ARHGEF11: variants seen among roughly 807,000 people sequenced by gnomAD.
The protein encoded by ARHGEF11 is Rho guanine nucleotide exchange factor 11, also known as Rho guanine exchange factor (GEF) 11.
In ARHGEF11, 55 loss-of-function variants were observed where a neutral mutation model predicts 193.7. The ratio of observed to expected loss-of-function variants is 0.28; its 90% CI spans 0.23 to 0.36. The LOEUF (loss-of-function observed/expected upper bound fraction) is 0.36, where lower values mean the gene tolerates loss of function less well. Among genes scored for constraint, ARHGEF11 ranks in the 10% least tolerant of loss-of-function variants. The probability of loss-of-function intolerance (pLI) is 1.00; values close to 1 mark genes in which losing one functional copy is unlikely to be tolerated. For missense variants in ARHGEF11, 1,723 were observed against 2,005.6 expected, an observed-to-expected ratio of 0.86 and a Z score of 2.69; for synonymous variants, 693 against 768.0, an observed-to-expected ratio of 0.90 and a Z score of 1.62.
In ARHGEF11 at chr1:156,936,050, C is replaced by G. The variant is rs752313950; in HGVS notation, c.4639G>C (p.Ala1547Pro). The G allele has an allele frequency of 6.2e-7, 1 of 1,613,860 alleles. No homozygotes were observed. ...LGPCPEDGSDAPLEDSTADAA... is the reference protein window; with the variant it reads ...LGPCPEDGSDPPLEDSTADAA... The stretch of plus-strand genomic sequence containing the variant: ...TCTGCTGTGCTGTCTTCCAGGGGGG[C>G]GTCAGAGCCTGTGGGAGGAGGATGA... Residue 1547 changes from alanine (A) to proline (P), a missense_variant, in exon 41 of 41, where the codon GCC becomes CCC. Ala to Pro is a conservative substitution (Grantham distance 27). This residue lies in a region of ARHGEF11 where 360 missense variants were observed against 344.4 expected (regional missense o/e 1.05). Coordinates refer to ENST00000368194, the MANE Select transcript of ARHGEF11 (RefSeq NM_198236.3).
chr1:156,968,696 GC>G (rs1255533004), intron 10 of ARHGEF11, among the ~76,000 whole-genome samples: 1 of 152,162 alleles, frequency 6.6e-6, no homozygotes, highest in Non-Finnish European at 1.5e-5. Context: ...CAAATATTTT[GC>G]TAACTTCATT....
chr1:156,963,537 C>T lies in ARHGEF11; in HGVS notation c.1021G>A (p.Gly341Ser). Residue 341 changes from glycine (G) to serine (S), a missense_variant, in exon 12 of 41, where the codon GGT becomes AGT. This residue lies in a region of ARHGEF11 where 646 missense variants were observed against 710.7 expected (regional missense o/e 0.91). Coordinates refer to ENST00000368194, the MANE Select transcript of ARHGEF11 (RefSeq NM_198236.3). ...ACCGTTACCTCGTTGTTGAAATAAC[C>T]CGGGTCATAGTCTTCCTCTGGGCCA... ...IIGPEEDYDP[G>S]YFNNESDIIF... 6.2e-7 allele frequency: 1 copy of T among 1,613,778 alleles called. No homozygotes were observed. Among genetic ancestry groups the T allele is most frequent in the East Asian group, 2.2e-5 (1 of 44,878 alleles).
intron 29 of ARHGEF11, chr1:156,945,482 G>A: frequency 2.4e-6 from 1 of 419,766 alleles, no homozygotes; most frequent in Non-Finnish European, 4.3e-6. Flanking sequence ...GACAGAGACT[G>A]TGGTAAATGG....
chr1:156,968,170 C>A, intron 10 of ARHGEF11, 46 bp from the exon 11 acceptor site: 1 of 1,574,764 alleles, frequency 6.4e-7, no homozygotes, highest in Admixed American at 1.8e-5. Flanking sequence ...GTCCGGAAGA[C>A]CCTCAAGGCT....
rs1348236927 is a variant in ARHGEF11, at chr1:156,979,291, T to C, written c.274-5A>G. The C allele has an allele frequency of 6.2e-7, 1 of 1,613,344 alleles. No individual in the cohort carries two copies. Among genetic ancestry groups the C allele is most frequent in the South Asian group, 1.1e-5 (1 of 91,034 alleles). Reference sequence around the variant, plus strand: ...GGTCACCATGGTGCCGTTGACCTGTTGGAGGGACAAACAGTATTGAGTAAT... The same window carrying C: ...GGTCACCATGGTGCCGTTGACCTGTCGGAGGGACAAACAGTATTGAGTAAT... On this transcript the variant is annotated splice_region_variant and splice_polypyrimidine_tract_variant and intron_variant, in intron 4 of 40. Transcript: ENST00000368194.
intron 1 of ARHGEF11, among the ~76,000 whole-genome samples, chr1:157,020,294 T>C (rs1320034909): frequency 6.6e-6 from 1 of 152,098 alleles, no homozygotes; most frequent in African/African-American, 2.4e-5. Context: ...TTATTGTACA[T>C]CAAATATACC....
In ARHGEF11 at chr1:156,944,306, G is replaced by C; in HGVS notation, c.3067+52C>G. On this transcript the variant is annotated intron_variant, in intron 31 of 40. Transcript: ENST00000368194. ...GCTTGGGAAAGACAGAAGAGCCCAG[G>C]GAGGCCCACCCACTACAGGTTCCTG... 3 of 1,579,162 alleles carry C rather than the reference G, an allele frequency of 1.9e-6. No individual in the cohort carries two copies. In the East Asian group the frequency reaches 6.7e-5, roughly 35 times the overall value.
chr1:157,041,863 G>A (rs760669166), intron 1 of ARHGEF11, among the ~76,000 whole-genome samples: 1 of 152,126 alleles, frequency 6.6e-6, no homozygotes, highest in Non-Finnish European at 1.5e-5. Context: ...CTCTCTCTGT[G>A]AGCAAGTACT....
chr1:156,944,316 C>T (rs1439083784), intron 31 of ARHGEF11, 42 bp downstream of exon 31: 2 of 1,598,486 alleles, frequency 1.3e-6, no homozygotes, highest in Admixed American at 1.7e-5. Flanking sequence ...GGAGGCCCAC[C>T]CACTACAGGT....
chr1:156,941,823 G>C, intron 34 of ARHGEF11, 41 bp downstream of exon 34: 1 of 1,564,598 alleles, frequency 6.4e-7, no homozygotes, highest in Non-Finnish European at 8.6e-7. Flanking sequence ...AGGAGGTTTG[G>C]AGTGGAGAGA....
chr1:156,986,197 T>G (rs138507383), intron 1 of ARHGEF11, 24 bp from the exon 2 acceptor site: 2 of 1,592,306 alleles, frequency 1.3e-6, no homozygotes, highest in Non-Finnish European at 1.7e-6. Context: ...AAGGAAAGCA[T>G]GTCAATGAGC....
chr1:156,955,884 G>C (rs1659874247), intron 19 of ARHGEF11, 85 bp from the exon 20 acceptor site: 1 of 1,043,000 alleles, frequency 9.6e-7, no homozygotes, highest in South Asian at 1.3e-5. Flanking sequence ...TGTCCCCCAA[G>C]GCTGGCCCTC....
chr1:156,962,472 C>T (rs1448341077), intron 13 of ARHGEF11, among the ~76,000 whole-genome samples: 1 of 152,180 alleles, frequency 6.6e-6, no homozygotes, highest in East Asian at 1.9e-4. Flanking sequence ...CTTCACATTC[C>T]TTCTTGTCAT....
At chr1:156,965,064 G>A (rs1367861979) in intron 11 of ARHGEF11, among the ~76,000 whole-genome samples, 2 of 152,136 alleles carry the variant, frequency 1.3e-5, no homozygotes, top group Admixed American at 1.3e-4. Flanking sequence ...ACAGTTTTAT[G>A]GAAAGTATAG....
intron 1 of ARHGEF11, among the ~76,000 whole-genome samples, chr1:156,994,344 T>C (rs1368632327): frequency 6.6e-6 from 1 of 151,898 alleles, no homozygotes; most frequent in Non-Finnish European, 1.5e-5. Context: ...ATAATATTTA[T>C]TAAGTGCTTT....
intron 15 of ARHGEF11, 35 bp from the exon 16 acceptor site, chr1:156,959,177 G>A: frequency 5.7e-6 from 9 of 1,580,696 alleles, no homozygotes; most frequent in Non-Finnish European, 7.8e-6. Flanking sequence ...AGAGTGGATG[G>A]GGTACTGGGG....
At chr1:156,959,165 G>T in intron 15 of ARHGEF11, 23 bp from the exon 16 acceptor site, 1 of 1,608,598 alleles carries the variant, frequency 6.2e-7, no homozygotes, top group South Asian at 1.1e-5. Context: ...ATCAGAGAAA[G>T]CAGAGTGGAT....
intron 1 of ARHGEF11, among the ~76,000 whole-genome samples, chr1:156,996,694 A>G (rs923037012): frequency 4.2e-5 from 6 of 141,952 alleles, no homozygotes; most frequent in African/African-American, 1.6e-4. Flanking sequence ...AATGGCGTGA[A>G]CCCGGGGGGC....
chr1:157,036,276 T>A (rs1182331376), intron 1 of ARHGEF11, among the ~76,000 whole-genome samples: 1 of 150,260 alleles, frequency 6.7e-6, no homozygotes, highest in Non-Finnish European at 1.5e-5. Flanking sequence ...ATGACCCAAC[T>A]TCCTAAGGGA....
Sources: allele counts gnomAD v4.1 joint callset (sites outside exome capture counted in the v4.1 genomes callset), GRCh38; gene constraint gnomAD v4.1.1; regional missense constraint gnomAD v4.1.1; transcripts MANE v1.5; gene names NCBI Gene and HGNC (gene_info 2026-07-23, HGNC 2026-07-21).